Variants in REL observed in about 807,000 individuals in gnomAD.
REL encodes the protein REL proto-oncogene, NF-kB subunit.
A neutral mutation model predicts 45.9 loss-of-function variants in REL; 15 were observed. The ratio of observed to expected loss-of-function variants is 0.33; its 90% CI spans 0.22 to 0.50. The LOEUF (loss-of-function observed/expected upper bound fraction) is 0.50. Ranked by LOEUF, REL falls within the 20% of genes least tolerant of loss-of-function variation. REL has a pLI of 0.98. For synonymous variants in REL, 239 were observed against 242.1 expected, an observed-to-expected ratio of 0.99 and a Z score of 0.12; for missense variants, 601 against 715.2, an observed-to-expected ratio of 0.84 and a Z score of 1.82.
At chr2:60,921,683 G>T in intron 9 of REL, 80 bp from the exon 10 acceptor site, 1 of 1,216,858 alleles carries the variant, frequency 8.2e-7, no homozygotes. Context: ...ATATTTGTGT[G>T]CTTATGCAAT....
At chr2:60,904,199 G>A (rs1366340512) in intron 4 of REL, among the ~76,000 whole-genome samples, 6 of 150,672 alleles carry the variant, frequency 4.0e-5, no homozygotes, top group Admixed American at 3.3e-4. Flanking sequence ...TCAGGAGTTC[G>A]AGACCAGCCT....
chr2:60,895,907 A>T (rs1242279695), intron 3 of REL, among the ~76,000 whole-genome samples: 1 of 152,222 alleles, frequency 6.6e-6, no homozygotes, highest in Non-Finnish European at 1.5e-5. Context: ...CATTCATGCA[A>T]TGTACTCCTG....
At chr2:60,882,891 C>T (rs944765809) in intron 1 of REL, among the ~76,000 whole-genome samples, 5 of 152,050 alleles carry the variant, frequency 3.3e-5, no homozygotes, top group African/African-American at 1.2e-4. Flanking sequence ...TCGATCTCTC[C>T]CTTTGGGGGG....
Position 60,894,413 on chromosome 2 carries a change from G to T in REL, c.170G>T (p.Gly57Val). 1 of 1,553,158 alleles carries T rather than the reference G, an allele frequency of 6.4e-7. No individual in the cohort carries two copies. The highest frequency in any genetic ancestry group is 8.8e-7 in the Non-Finnish European group (1 of 1,141,078). ...YPSIQIMNYYGKGKVRITLVT... is the reference protein window; with the variant it reads ...YPSIQIMNYYVKGKVRITLVT... Reference sequence around the variant, plus strand: ...TTTTTTCAGATTATGAACTATTATGGAAAAGGAAAAGTGAGAATTACATTA... The same window carrying T: ...TTTTTTCAGATTATGAACTATTATGTAAAAGGAAAAGTGAGAATTACATTA... The change falls in exon 3 of 10, where the codon GGA (glycine) becomes GTA (valine). Residue 57 changes from glycine (G) to valine (V), a missense_variant. Gly to Val is a moderately radical substitution (Grantham distance 109, BLOSUM62 -3). Transcript: ENST00000394479.
chr2:60,908,657 ATG>A (rs1195547609), intron 4 of REL, among the ~76,000 whole-genome samples: 1 of 152,240 alleles, frequency 6.6e-6, no homozygotes, highest in African/African-American at 2.4e-5. Flanking sequence ...TGGTAATGAA[ATG>A]TTAGGATTTC....
chr2:60,888,728 A>C (rs1011256252), intron 1 of REL, among the ~76,000 whole-genome samples: 2 of 152,244 alleles, frequency 1.3e-5, no homozygotes, highest in Non-Finnish European at 2.9e-5. Flanking sequence ...TGAAAGTTAC[A>C]GTAATACTTT....
chr2:60,890,438 A>G (rs372331766), intron 1 of REL, among the ~76,000 whole-genome samples: 3 of 152,288 alleles, frequency 2.0e-5, no homozygotes, highest in East Asian at 1.9e-4. Flanking sequence ...CCTCTTCTCC[A>G]TACTGTTCTG....
rs1673677059 is a variant in REL, at chr2:60,906,929, T to TC, written c.394+5847dup. On this transcript the variant is annotated intron_variant, in intron 4 of 9. Transcript: ENST00000394479. ...TATATATATATTTTTTTTTTTTTTT[T>TC]CTTTTCCGAGACAGAGTTTCGCTCT... Among the ~76,000 whole-genome samples, 3 of 145,566 alleles carry TC rather than the reference T, an allele frequency of 2.1e-5. No individual in the cohort carries two copies. The South Asian group carries it at 6.5e-4, about 32-fold the overall frequency.
intron 4 of REL, among the ~76,000 whole-genome samples, chr2:60,905,395 G>C (rs1339155693): frequency 6.6e-6 from 1 of 152,036 alleles, no homozygotes; most frequent in Non-Finnish European, 1.5e-5. Context: ...CACCCAGCCT[G>C]TTTGCAAATT....
chr2:60,895,271 C>T (rs1673320606), intron 3 of REL, among the ~76,000 whole-genome samples: 1 of 151,714 alleles, frequency 6.6e-6, no homozygotes, highest in Non-Finnish European at 1.5e-5. Context: ...GCAACCTTCA[C>T]CTCCAGACTC....
intron 4 of REL, among the ~76,000 whole-genome samples, chr2:60,902,732 A>G (rs1380610380): frequency 6.6e-6 from 1 of 151,386 alleles, no homozygotes; most frequent in African/African-American, 2.4e-5. Flanking sequence ...TTGTTGGTGC[A>G]CCACCATGCC....
chr2:60,886,600 A>G (rs1673077622), intron 1 of REL, among the ~76,000 whole-genome samples: 1 of 152,174 alleles, frequency 6.6e-6, no homozygotes, highest in African/African-American at 2.4e-5. Context: ...AGAAATGTAT[A>G]TAAAGGGGTC....
chr2:60,898,407 T>C (rs1329018626), intron 3 of REL, among the ~76,000 whole-genome samples: 1 of 152,232 alleles, frequency 6.6e-6, no homozygotes, highest in African/African-American at 2.4e-5. Context: ...TCACAATGCC[T>C]TCCTTTAGTT....
At chr2:60,900,649 G>A (rs376033195) in intron 3 of REL, 3 of 185,952 alleles carry the variant, frequency 1.6e-5, no homozygotes, top group African/African-American at 2.4e-5. Flanking sequence ...TCAGCCTCCC[G>A]AGTAGCTGAG....
chr2:60,885,410 C>T (rs1390717032), intron 1 of REL, among the ~76,000 whole-genome samples: 1 of 152,104 alleles, frequency 6.6e-6, no homozygotes, highest in Non-Finnish European at 1.5e-5. Flanking sequence ...TTATTTTACC[C>T]TGGCACGTGC....
At chr2:60,908,220 T>G (rs1458497125) in intron 4 of REL, among the ~76,000 whole-genome samples, 1 of 152,224 alleles carries the variant, frequency 6.6e-6, no homozygotes, top group East Asian at 1.9e-4. Flanking sequence ...TGATGGAATC[T>G]TGTTTCCATT....
In REL at chr2:60,922,199, G is replaced by T; in HGVS notation, c.1428G>T (p.Glu476Asp). Residue 476 changes from glutamate (E) to aspartate (D), a missense_variant, in exon 10 of 10, where the codon GAG becomes GAT. Glu to Asp is a conservative substitution (Grantham distance 45, BLOSUM62 2). Transcript: ENST00000394479. ...MMTTSSDSMG[E>D]TDNPRLLSMN... ...CAACCAGCAGTGACAGCATGGGAGAGACTGATAATCCAAGACTTCTGAGCA... is the reference window on the plus strand; with the variant it reads ...CAACCAGCAGTGACAGCATGGGAGATACTGATAATCCAAGACTTCTGAGCA... 6.2e-7 allele frequency: 1 copy of T among 1,614,138 alleles called. No homozygotes were observed. The highest frequency in any genetic ancestry group is 1.6e-4 in the Middle Eastern group (1 of 6,062).
At chr2:60,892,741 A>C (rs893796184) in intron 2 of REL, among the ~76,000 whole-genome samples, 3 of 150,768 alleles carry the variant, frequency 2.0e-5, no homozygotes, top group Non-Finnish European at 4.4e-5. Context: ...AGATGTACTA[A>C]ATTTATTTAT....
intron 4 of REL, among the ~76,000 whole-genome samples, chr2:60,903,713 T>C (rs1359410600): frequency 5.3e-5 from 8 of 152,202 alleles, no homozygotes; most frequent in Non-Finnish European, 2.9e-5. Context: ...GTATTTTTAT[T>C]AGACACAGGG....
Sources: gnomAD v4.1 joint callset for allele counts (sites outside exome capture counted in the v4.1 genomes callset) on GRCh38, gnomAD v4.1.1 for gene constraint, MANE v1.5 for transcripts, NCBI Gene and HGNC (gene_info 2026-07-23, HGNC 2026-07-21) for gene names.